LRP1B: variants seen among roughly 807,000 people sequenced by gnomAD.
LRP1B encodes low-density lipoprotein receptor-related protein 1B.
A neutral mutation model predicts 556.6 loss-of-function variants in LRP1B; 217 were observed. That is an observed-to-expected ratio of 0.39 (90% CI 0.35 to 0.44). The LOEUF (loss-of-function observed/expected upper bound fraction) is 0.44. Ranked by LOEUF, LRP1B falls within the 20% of genes least tolerant of loss-of-function variation. The probability of loss-of-function intolerance (pLI) is 1.00; values close to 1 mark genes in which losing one functional copy is unlikely to be tolerated. For missense variants in LRP1B, 5,053 were observed against 5,620.8 expected, an observed-to-expected ratio of 0.90 and a Z score of 3.23; for synonymous variants, 2,047 against 1,865.8, an observed-to-expected ratio of 1.10 and a Z score of -2.50.
chr2:141,737,871 C>A (rs1352152803), intron 2 of LRP1B, among the ~76,000 whole-genome samples: 3 of 152,088 alleles, frequency 2.0e-5, no homozygotes, highest in Non-Finnish European at 4.4e-5. Flanking sequence ...AATCTCATTT[C>A]TTTTTAGTTT....
At chr2:141,441,838 C>A (rs1053700619) in intron 3 of LRP1B, among the ~76,000 whole-genome samples, 1 of 152,120 alleles carries the variant, frequency 6.6e-6, no homozygotes, top group African/African-American at 2.4e-5. Context: ...CTTCAGGTAA[C>A]AACAGTGTGT....
chr2:141,155,398 A>C (rs537692167), intron 7 of LRP1B, among the ~76,000 whole-genome samples: 2 of 151,900 alleles, frequency 1.3e-5, no homozygotes, highest in Non-Finnish European at 2.9e-5. Context: ...TGGTAAGTAC[A>C]TGAAATATAC....
chr2:141,885,595 G>T (rs1230156173), intron 1 of LRP1B, among the ~76,000 whole-genome samples: 1 of 152,172 alleles, frequency 6.6e-6, no homozygotes, highest in African/African-American at 2.4e-5. Context: ...AAATGAGAGT[G>T]TCTAAGGGAG....
chr2:141,962,578 G>GT (rs1450032359), intron 1 of LRP1B, among the ~76,000 whole-genome samples: 12 of 151,702 alleles, frequency 7.9e-5, no homozygotes, highest in Non-Finnish European at 1.5e-4. Flanking sequence ...CCTATTTTAA[G>GT]TTTTTTCTGA....
chr2:141,966,245 A>G (rs751689843), intron 1 of LRP1B, among the ~76,000 whole-genome samples: 3 of 151,970 alleles, frequency 2.0e-5, no homozygotes, highest in African/African-American at 2.4e-5. Context: ...GAAACTAGAG[A>G]GTCGTTTTCC....
chr2:140,779,038 A>C (rs1689595874), intron 32 of LRP1B, among the ~76,000 whole-genome samples: 1 of 151,650 alleles, frequency 6.6e-6, no homozygotes, highest in Non-Finnish European at 1.5e-5. Flanking sequence ...TATGTGGGTT[A>C]TGTATAACCC....
intron 29 of LRP1B, among the ~76,000 whole-genome samples, chr2:140,848,890 G>C (rs1692353861): frequency 6.6e-6 from 1 of 152,026 alleles, no homozygotes; most frequent in African/African-American, 2.4e-5. Context: ...CTTCATATAT[G>C]TTCTCAGTGT....
intron 1 of LRP1B, among the ~76,000 whole-genome samples, chr2:141,810,769 T>C (rs1696329747): frequency 6.6e-6 from 1 of 152,118 alleles, no homozygotes; most frequent in South Asian, 2.1e-4. Context: ...GAAATTTTAG[T>C]TTCTTTCTCA....
At chr2:140,767,319 T>C (rs958190184) in intron 35 of LRP1B, among the ~76,000 whole-genome samples, 1 of 151,910 alleles carries the variant, frequency 6.6e-6, no homozygotes, top group Admixed American at 6.6e-5. Flanking sequence ...TCCCAGGAAA[T>C]AAAAATATGG....
intron 3 of LRP1B, among the ~76,000 whole-genome samples, chr2:141,341,177 T>C (rs1241052375): frequency 6.6e-6 from 1 of 152,194 alleles, no homozygotes; most frequent in Non-Finnish European, 1.5e-5. Flanking sequence ...CAGGCTAATC[T>C]GCAGATGAAG....
intron 3 of LRP1B, among the ~76,000 whole-genome samples, chr2:141,477,138 AAAC>A (rs1229599859): frequency 7.8e-4 from 85 of 108,804 alleles, no homozygotes; most frequent in Admixed American, 2.0e-3. Context: ...ACAAACAAAC[AAAC>A]AAAAAAAACC....
chr2:141,644,344 A>T (rs1228850512), intron 2 of LRP1B, among the ~76,000 whole-genome samples: 1 of 152,002 alleles, frequency 6.6e-6, no homozygotes, highest in Non-Finnish European at 1.5e-5. Context: ...GTTTCCTCGC[A>T]TAAGATCTCT....
intron 79 of LRP1B, among the ~76,000 whole-genome samples, chr2:140,330,947 A>C (rs1368975329): frequency 6.6e-6 from 1 of 152,190 alleles, no homozygotes; most frequent in Non-Finnish European, 1.5e-5. Flanking sequence ...CCTTTGGCCA[A>C]CAAACATATG....
intron 7 of LRP1B, among the ~76,000 whole-genome samples, chr2:141,108,929 G>A (rs79585319): frequency 0.079 from 11,741 of 148,456 alleles, 583 homozygotes; most frequent in South Asian, 0.14. Flanking sequence ...ATACCACCAG[G>A]TTAGGAGTAT....
At chr2:141,488,354 C>A (rs1366182667) in intron 2 of LRP1B, among the ~76,000 whole-genome samples, 1 of 152,052 alleles carries the variant, frequency 6.6e-6, no homozygotes, top group African/African-American at 2.4e-5. Flanking sequence ...TAAAATTATG[C>A]AGTTTTGCAC....
intron 2 of LRP1B, among the ~76,000 whole-genome samples, chr2:141,495,078 G>A (rs749914620): frequency 3.3e-5 from 5 of 151,832 alleles, no homozygotes; most frequent in African/African-American, 9.7e-5. Flanking sequence ...AGATTTTTCC[G>A]GTTATCTATG....
chr2:141,623,691 T>G (rs764838948), intron 2 of LRP1B, among the ~76,000 whole-genome samples: 2 of 151,524 alleles, frequency 1.3e-5, no homozygotes, highest in Non-Finnish European at 2.9e-5. Flanking sequence ...CGGGGCAACA[T>G]AGAGACATGT....
chr2:140,979,916 A>C (rs1696717897), intron 18 of LRP1B, among the ~76,000 whole-genome samples: 1 of 152,134 alleles, frequency 6.6e-6, no homozygotes, highest in Admixed American at 6.6e-5. Flanking sequence ...TTGTTATTAA[A>C]AAAATTTAAT....
chr2:141,797,911 G>A (rs10201989), intron 2 of LRP1B, among the ~76,000 whole-genome samples: 2 of 151,632 alleles, frequency 1.3e-5, no homozygotes, highest in Non-Finnish European at 2.9e-5. Context: ...CAAGAGAAAC[G>A]GGAAAATATT....
Sources: allele counts gnomAD v4.1 joint callset (sites outside exome capture counted in the v4.1 genomes callset), GRCh38; gene constraint gnomAD v4.1.1; transcripts MANE v1.5; gene names NCBI Gene and HGNC (gene_info 2026-07-23, HGNC 2026-07-21).